COPZ1: variants seen among roughly 807,000 people sequenced by gnomAD.
COPZ1 encodes coatomer subunit zeta-1.
In COPZ1, 4 loss-of-function variants were observed where a neutral mutation model predicts 31.7. That is an observed-to-expected ratio of 0.13 (90% confidence interval 0.06 to 0.29). COPZ1 has a LOEUF of 0.29. COPZ1 is among the 10% of genes least tolerant of loss of function. The pLI, the probability that COPZ1 is intolerant of heterozygous loss-of-function variation, is 1.00. For missense variants in COPZ1, 156 were observed against 211.5 expected (o/e 0.74, Z 1.63); for synonymous variants, 74 against 79.0 (o/e 0.94, Z 0.33).
At chr12:54,334,743 G>A (rs920724693) in intron 1 of COPZ1, among the ~76,000 whole-genome samples, 35 of 152,044 alleles carry the variant, frequency 2.3e-4, no homozygotes, top group Admixed American at 1.2e-3. Context: ...TGTAGTCCCA[G>A]CCACTCGGGA....
intron 5 of COPZ1, among the ~76,000 whole-genome samples, chr12:54,346,142 C>T (rs1170652281): frequency 2.0e-5 from 3 of 152,146 alleles, no homozygotes; most frequent in African/African-American, 7.2e-5. Flanking sequence ...ATCTGAGCAT[C>T]CTCAAGGTGC....
intron 3 of COPZ1, chr12:54,342,766 A>C (rs1333068294): frequency 5.7e-6 from 1 of 175,152 alleles, no homozygotes; most frequent in Non-Finnish European, 1.2e-5. Context: ...CAAAAAGTGC[A>C]GATCATCTTC....
In COPZ1 at chr12:54,337,730, T is replaced by C. The variant is rs1350713255; in HGVS notation, c.19-2817T>C. ...TGCCTAAATTCTCAGCTTTATTTAG[T>C]ATGCTTCCTCCTTTGGAAGTTTGAA... On this transcript the variant is annotated intron_variant, in intron 1 of 8. Transcript: ENST00000262061. Among the ~76,000 whole-genome samples, 3 of 152,222 alleles carry C rather than the reference T, an allele frequency of 2.0e-5. No homozygotes were observed. The East Asian group carries it at 5.8e-4, about 29-fold the overall frequency.
In COPZ1 at chr12:54,350,528, C is replaced by T. The variant is rs201284700; in HGVS notation, c.*5C>T. 2 of 1,612,732 alleles carry T rather than the reference C, an allele frequency of 1.2e-6. No homozygotes were observed. The highest frequency in any genetic ancestry group is 4.5e-5 in the East Asian group (2 of 44,880). On this transcript the variant is annotated 3_prime_UTR_variant, in exon 9 of 9. Transcript: ENST00000262061. ...AAGTGGTCACTCCTTCGGTGAAGAC[C>T]TCACTGTTCCTGGCTCTTCATCCTC...
Position 54,340,637 on chromosome 12 carries a change from G to T in COPZ1, c.87+22G>T, listed in dbSNP as rs943363203. On this transcript the variant is annotated intron_variant, in intron 2 of 8. Coordinates refer to ENST00000262061, the MANE Select transcript of COPZ1 (RefSeq NM_016057.3). ...CAAGGTGAGATTCCCTTTCGAATTA[G>T]TTTAGGAACAGCACAAAGGTTTATT... 10 of 1,610,876 alleles carry T rather than the reference G, an allele frequency of 6.2e-6. No individual in the cohort carries two copies. The Middle Eastern group carries it at 1.2e-3, about 186-fold the overall frequency.
chr12:54,349,576 T>C (rs1426455315), intron 7 of COPZ1, 44 bp from the exon 8 acceptor site: 2 of 1,540,280 alleles, frequency 1.3e-6, no homozygotes, highest in Non-Finnish European at 1.8e-6. Flanking sequence ...CAGGTCTTAC[T>C]CCAGCTTTCT....
chr12:54,332,469 G>A (rs1313603396), intron 1 of COPZ1, among the ~76,000 whole-genome samples: 1 of 151,718 alleles, frequency 6.6e-6, no homozygotes, highest in Non-Finnish European at 1.5e-5. Context: ...GGGCATGGTA[G>A]CTCACGCGTG....
At chr12:54,332,302 C>A (rs1195761870) in intron 1 of COPZ1, among the ~76,000 whole-genome samples, 1 of 150,456 alleles carries the variant, frequency 6.6e-6, no homozygotes, top group Admixed American at 6.6e-5. Context: ...CAGAGTGAGA[C>A]TCCGTCTCAA....
intron 1 of COPZ1, among the ~76,000 whole-genome samples, chr12:54,336,534 C>T (rs1349031658): frequency 6.7e-6 from 1 of 149,896 alleles, no homozygotes; most frequent in Non-Finnish European, 1.5e-5. Flanking sequence ...GAGACTCCGT[C>T]TCAAAAAAAA....
intron 3 of COPZ1, 115 bp from the exon 4 acceptor site, chr12:54,343,110 G>C: frequency 1.2e-6 from 1 of 809,130 alleles, no homozygotes; most frequent in Non-Finnish European, 2.1e-6. Context: ...GCCAGGCTCG[G>C]CTTCCCAAGG....
At chr12:54,326,124 A>AATAATTATTATT (rs1555152047) in intron 1 of COPZ1, among the ~76,000 whole-genome samples, 4 of 139,164 alleles carry the variant, frequency 2.9e-5, no homozygotes, top group African/African-American at 1.1e-4. Flanking sequence ...CCTGGCCAGG[A>AATAATTATTATT]ATTATTATTA....
chr12:54,345,813 C>T (rs1237452376), intron 5 of COPZ1, among the ~76,000 whole-genome samples: 4 of 151,818 alleles, frequency 2.6e-5, no homozygotes, highest in South Asian at 2.1e-4. Flanking sequence ...AAAAATTAGC[C>T]GGGCATGGTA....
At chr12:54,342,984 G>A (rs1954001414) in intron 3 of COPZ1, among the ~76,000 whole-genome samples, 1 of 151,146 alleles carries the variant, frequency 6.6e-6, no homozygotes. Flanking sequence ...ACCCTCCTGA[G>A]TAGCAGGGAT....
intron 1 of COPZ1, among the ~76,000 whole-genome samples, chr12:54,334,781 C>T (rs554456216): frequency 6.6e-5 from 10 of 152,020 alleles, no homozygotes; most frequent in African/African-American, 1.7e-4. Flanking sequence ...GGCGTGAACC[C>T]GGGAGGCAGA....
intron 1 of COPZ1, among the ~76,000 whole-genome samples, chr12:54,327,598 C>A (rs1487232483): frequency 9.2e-5 from 14 of 152,026 alleles, no homozygotes; most frequent in Non-Finnish European, 2.1e-4. Flanking sequence ...TGCCCGGCAG[C>A]AAGTATTCTT....
At position 54,332,821 on chromosome 12, in the gene COPZ1, A is replaced by G. The variant is rs563169722; in HGVS notation, c.18+7640A>G. ...CCCCTGCTGGCTGTTAGTTTTCTCAATCATATTTATTAATTTATGAAGGCC... is the reference window on the plus strand; with the variant it reads ...CCCCTGCTGGCTGTTAGTTTTCTCAGTCATATTTATTAATTTATGAAGGCC... On this transcript the variant is annotated intron_variant, in intron 1 of 8. Transcript: ENST00000262061. Among the ~76,000 whole-genome samples the G allele has an allele frequency of 7.9e-5, 12 of 152,032 alleles. No homozygotes were observed. In the South Asian group the frequency reaches 1.0e-3, roughly 13 times the overall value.
At chr12:54,347,744 C>A in intron 5 of COPZ1, 23 bp from the exon 6 acceptor site, 2 of 1,599,292 alleles carry the variant, frequency 1.3e-6, no homozygotes, top group Admixed American at 3.5e-5. Flanking sequence ...TGGTTATTCT[C>A]TTCTCTTCTC....
chr12:54,337,107 C>G lies in COPZ1; in HGVS notation c.19-3440C>G, dbSNP rs1259616702. ...AGTTGCTTGTTCTGTGGTGTTTCAC[C>G]TGTCTTGAGGACAGCATTCTTGTTT... is the stretch of plus-strand genomic sequence containing the variant. On this transcript the variant is annotated intron_variant, in intron 1 of 8. Transcript: ENST00000262061. The G allele has an allele frequency of 1.2e-5, 6 of 502,460 alleles. No homozygotes were observed. In the Admixed American group the frequency reaches 1.4e-4, roughly 11 times the overall value. The allele number at this position is 502,460 out of a possible 1,614,324, so 31.1% of individuals were successfully genotyped here. A position where few individuals can be genotyped will look rare whatever the true frequency, so the allele number is the denominator to read the frequency against.
At chr12:54,331,780 A>G (rs574774113) in intron 1 of COPZ1, among the ~76,000 whole-genome samples, 12 of 152,282 alleles carry the variant, frequency 7.9e-5, no homozygotes, top group Admixed American at 2.6e-4. Context: ...AGGACTCATC[A>G]GGAATGGATC....
Sources: gnomAD v4.1 joint callset for allele counts (sites outside exome capture counted in the v4.1 genomes callset) on GRCh38, gnomAD v4.1.1 for gene constraint, MANE v1.5 for transcripts, NCBI Gene and HGNC (gene_info 2026-07-23, HGNC 2026-07-21) for gene names.